PDIA6: variants seen among roughly 807,000 people sequenced by gnomAD.
PDIA6 encodes the protein protein disulfide isomerase family A member 6, also known as protein disulfide-isomerase A6.
A neutral mutation model predicts 58.4 loss-of-function variants in PDIA6; 29 were observed. That is an observed-to-expected ratio of 0.50 (90% CI 0.37 to 0.68). The LOEUF is 0.68. Among genes scored for constraint, PDIA6 ranks in the 30% least tolerant of loss-of-function variants. PDIA6 has a pLI of 0.00. For missense variants in PDIA6, 480 were observed against 551.0 expected (o/e 0.87, Z 1.29); for synonymous variants, 192 against 202.6 (o/e 0.95, Z 0.44).
chr2:10,805,156 C>G lies in PDIA6; in HGVS notation c.20-2516G>C, dbSNP rs796773047. Among the ~76,000 whole-genome samples the G allele has an allele frequency of 4.9e-4, 73 of 149,084 alleles. 1 individual carries two copies. The East Asian group carries it at 0.014, about 28-fold the overall frequency. The stretch of plus-strand genomic sequence containing the variant: ...AATGGGAGAAAATTTTCGCAACCTA[C>G]TCATCTGACAAAGGGCTAATATCCA... On this transcript the variant is annotated intron_variant, in intron 1 of 12. Coordinates refer to ENST00000272227, the MANE Select transcript of PDIA6 (RefSeq NM_005742.4).
intron 1 of PDIA6, among the ~76,000 whole-genome samples, chr2:10,811,818 T>G (rs1225191403): frequency 6.6e-6 from 1 of 152,242 alleles, no homozygotes; most frequent in African/African-American, 2.4e-5. Context: ...TCCGATCACA[T>G]GCGAAGCGCC....
intron 2 of PDIA6, 25 bp downstream of exon 2, chr2:10,802,474 T>A: frequency 7.7e-7 from 1 of 1,293,852 alleles, no homozygotes; most frequent in Non-Finnish European, 1.0e-6. Flanking sequence ...CTATAAATAA[T>A]CTACAACTAT....
intron 1 of PDIA6, chr2:10,820,904 C>T (rs1269908748): frequency 4.3e-6 from 3 of 702,422 alleles, no homozygotes; most frequent in Non-Finnish European, 7.8e-6. Context: ...AAGCTGTGCT[C>T]TGAGAGTGAG....
At chr2:10,789,107 C>T (rs186168146) in intron 8 of PDIA6, 126 bp from the exon 9 acceptor site, 16 of 699,210 alleles carry the variant, frequency 2.3e-5, no homozygotes, top group Non-Finnish European at 2.9e-5. Context: ...ACTACTTCCT[C>T]GTATGGAAAC....
intron 1 of PDIA6, among the ~76,000 whole-genome samples, chr2:10,806,265 G>A (rs1162450780): frequency 6.6e-6 from 1 of 151,016 alleles, no homozygotes; most frequent in African/African-American, 2.4e-5. Context: ...CTACTCGAGA[G>A]GCTGAGGTGG....
upstream of PDIA6, chr2:10,837,468 G>A (rs79495831): frequency 5.6e-3 from 3,869 of 686,294 alleles, 110 homozygotes; most frequent in Admixed American, 0.05. Context: ...GCCAGGGAGA[G>A]GTTGGTATGG....
chr2:10,818,222 G>A (rs1404733822), intron 2 of PDIA6, among the ~76,000 whole-genome samples: 2 of 151,486 alleles, frequency 1.3e-5, no homozygotes, highest in African/African-American at 4.9e-5. Flanking sequence ...GAGTACAGTG[G>A]TGTGATCATA....
intron 2 of PDIA6, among the ~76,000 whole-genome samples, chr2:10,818,683 G>A (rs1249910147): frequency 6.6e-6 from 1 of 151,206 alleles, no homozygotes; most frequent in Non-Finnish European, 1.5e-5. Context: ...ACCATGCCTA[G>A]CTAATTTTGT....
chr2:10,786,624 T>C (rs377225417), intron 11 of PDIA6, among the ~76,000 whole-genome samples: 2 of 152,320 alleles, frequency 1.3e-5, no homozygotes, highest in African/African-American at 2.4e-5. Flanking sequence ...CTATTCATTA[T>C]TCAACACAAG....
At chr2:10,819,999 C>T (rs1667333479) in intron 1 of PDIA6, among the ~76,000 whole-genome samples, 1 of 152,184 alleles carries the variant, frequency 6.6e-6, no homozygotes, top group South Asian at 2.1e-4. Context: ...CACAGCAGCC[C>T]TGCAGTTAGA....
chr2:10,788,778 AATAG>A lies in PDIA6; in HGVS notation c.926-13_926-10del, dbSNP rs777356061. The A allele has an allele frequency of 1.9e-5, 31 of 1,609,076 alleles. No individual in the cohort carries two copies. The highest frequency in any genetic ancestry group is 2.6e-5 in the Non-Finnish European group (30 of 1,175,518). On this transcript the variant is annotated splice_polypyrimidine_tract_variant and intron_variant, in intron 9 of 12. Coordinates refer to ENST00000272227, the MANE Select transcript of PDIA6 (RefSeq NM_005742.4). ...ATTTCTGCCTGCAGCTCCTGATTTA[AATAG>A]ACAAAGTTTTTTAAAGGTAAAGATA...
At chr2:10,818,228 T>A (rs1667261033) in intron 2 of PDIA6, among the ~76,000 whole-genome samples, 1 of 151,874 alleles carries the variant, frequency 6.6e-6, no homozygotes, top group Non-Finnish European at 1.5e-5. Flanking sequence ...AGTGGTGTGA[T>A]CATAGCTCAC....
upstream of PDIA6, among the ~76,000 whole-genome samples, chr2:10,816,539 T>TTTTTTTTTTTTTTTTTTTTTTTTTTTTTC (rs1667202509): frequency 6.6e-6 from 1 of 151,662 alleles, no homozygotes. Context: ...TTTTTTTTTT[T>TTTTTTTTTTTTTTTTTTTTTTTTTTTTTC]TGGCATTGAC....
intron 4 of PDIA6, among the ~76,000 whole-genome samples, chr2:10,794,783 C>T (rs531800661): frequency 3.9e-4 from 59 of 151,592 alleles, no homozygotes; most frequent in African/African-American, 1.4e-3. Context: ...AACAATTAGC[C>T]GGGTGTAGTG....
chr2:10,836,201 A>G (rs1419202104), upstream of PDIA6, among the ~76,000 whole-genome samples: 2 of 152,132 alleles, frequency 1.3e-5, no homozygotes, highest in Non-Finnish European at 2.9e-5. Context: ...TTCCCATGTA[A>G]GAAATACAAG....
chr2:10,824,556 T>G (rs530075520), intron 1 of PDIA6, among the ~76,000 whole-genome samples: 2 of 152,174 alleles, frequency 1.3e-5, no homozygotes, highest in African/African-American at 4.8e-5. Context: ...CATAAACCAA[T>G]CAGAGTGAAG....
At chr2:10,834,732 C>CTCCCTCCTTCCTTCCTTCCT (rs1217424185), upstream of PDIA6, among the ~76,000 whole-genome samples, 6 of 36,450 alleles carry the variant, frequency 1.6e-4, no homozygotes, top group African/African-American at 4.8e-4. Context: ...CCTTCCTTCC[C>CTCCCTCCTTCCTTCCTTCCT]TCCTTCCTTC....
chr2:10,833,651 G>C (rs1449870732), upstream of PDIA6, among the ~76,000 whole-genome samples: 1 of 152,190 alleles, frequency 6.6e-6, no homozygotes, highest in East Asian at 1.9e-4. Flanking sequence ...CCTATGAATA[G>C]AGACACATCC....
chr2:10,789,159 G>C (rs1324974248), intron 8 of PDIA6, among the ~76,000 whole-genome samples, 178 bp from the exon 9 acceptor site: 1 of 152,128 alleles, frequency 6.6e-6, no homozygotes, highest in Non-Finnish European at 1.5e-5. Context: ...TTCTGCTACT[G>C]ATTCTTAAGC....
Sources: allele counts gnomAD v4.1 joint callset (sites outside exome capture counted in the v4.1 genomes callset), GRCh38; gene constraint gnomAD v4.1.1; transcripts MANE v1.5; gene names NCBI Gene and HGNC (gene_info 2026-07-23, HGNC 2026-07-21).